Variants in PTPRN2 observed in about 807,000 individuals in gnomAD.
PTPRN2 encodes the protein protein tyrosine phosphatase receptor type N2, also known as receptor-type tyrosine-protein phosphatase N2.
Under a neutral mutation model 118.8 loss-of-function variants are expected in PTPRN2, and 74 were observed. The observed-to-expected ratio is 0.62, with a 90% CI of 0.52 to 0.76. The LOEUF (loss-of-function observed/expected upper bound fraction) is 0.76. Ranked by LOEUF, PTPRN2 falls within the 30% of genes least tolerant of loss-of-function variation. PTPRN2 has a pLI of 0.00. For missense variants in PTPRN2, 1,481 were observed against 1,394.4 expected (o/e 1.06, Z -0.99); for synonymous variants, 641 against 608.0 (o/e 1.05, Z -0.80).
chr7:157,934,818 C>A (rs565094577), intron 11 of PTPRN2, among the ~76,000 whole-genome samples: 1 of 152,170 alleles, frequency 6.6e-6, no homozygotes, highest in Admixed American at 6.5e-5. Flanking sequence ...AGAAGAGGTC[C>A]GCAGCATTTT....
At chr7:158,054,804 C>T (rs557814845) in intron 11 of PTPRN2, among the ~76,000 whole-genome samples, 282 of 152,346 alleles carry the variant, frequency 1.9e-3, no homozygotes, top group African/African-American at 5.8e-3. Flanking sequence ...CCTGGGGGCG[C>T]GGGCACCATT....
intron 2 of PTPRN2, among the ~76,000 whole-genome samples, chr7:158,428,219 A>C (rs887266306): frequency 1.3e-5 from 2 of 152,218 alleles, no homozygotes; most frequent in African/African-American, 4.8e-5. Flanking sequence ...CTCTCATCCC[A>C]AAATGGAAAA....
chr7:158,288,327 G>T (rs1294594858), intron 3 of PTPRN2, among the ~76,000 whole-genome samples: 2 of 151,992 alleles, frequency 1.3e-5, no homozygotes, highest in African/African-American at 4.8e-5. Context: ...ATGCCATTTT[G>T]TTCATTGTTT....
chr7:158,046,246 G>A (rs149576955), intron 11 of PTPRN2, among the ~76,000 whole-genome samples: 1,521 of 146,118 alleles, frequency 0.01, 25 homozygotes, highest in African/African-American at 0.036. Flanking sequence ...CGTTCCTGGC[G>A]TCCTGACACT....
chr7:158,118,142 A>C (rs1816876557), intron 9 of PTPRN2, among the ~76,000 whole-genome samples: 1 of 152,242 alleles, frequency 6.6e-6, no homozygotes, highest in African/African-American at 2.4e-5. Context: ...TTTGGTTTGT[A>C]ACTCCACATT....
At chr7:157,579,342 G>A (rs1352589709) in intron 17 of PTPRN2, among the ~76,000 whole-genome samples, 1 of 152,096 alleles carries the variant, frequency 6.6e-6, no homozygotes, top group Non-Finnish European at 1.5e-5. Context: ...TCTTTCCTTA[G>A]TGCCCATCCG....
At chr7:158,512,660 T>C (rs372015694) in intron 1 of PTPRN2, among the ~76,000 whole-genome samples, 25 of 152,244 alleles carry the variant, frequency 1.6e-4, no homozygotes, top group African/African-American at 5.5e-4. Context: ...CAGCACTTGA[T>C]TTCCAAAACC....
intron 12 of PTPRN2, among the ~76,000 whole-genome samples, chr7:157,714,373 C>A (rs1365514013): frequency 6.6e-6 from 1 of 152,192 alleles, no homozygotes; most frequent in Non-Finnish European, 1.5e-5. Flanking sequence ...AGTGGTCCTT[C>A]CTTTCGCCCT....
intron 2 of PTPRN2, among the ~76,000 whole-genome samples, chr7:158,359,138 C>G (rs185580746): frequency 6.6e-6 from 1 of 152,280 alleles, no homozygotes; most frequent in African/African-American, 2.4e-5. Context: ...AAGGCCATGG[C>G]CGGCGAGTCC....
intron 1 of PTPRN2, among the ~76,000 whole-genome samples, chr7:158,579,021 C>G (rs1828494248): frequency 6.6e-6 from 1 of 152,172 alleles, no homozygotes; most frequent in South Asian, 2.1e-4. Context: ...CCTCAGCCTC[C>G]CGAAGTGCTG....
At chr7:158,066,477 A>C (rs1810784345) in intron 11 of PTPRN2, among the ~76,000 whole-genome samples, 1 of 151,930 alleles carries the variant, frequency 6.6e-6, no homozygotes, top group Non-Finnish European at 1.5e-5. Flanking sequence ...CCACCTCCCA[A>C]CTCCTCAGTA....
intron 14 of PTPRN2, among the ~76,000 whole-genome samples, chr7:157,630,326 G>C (rs1211789910): frequency 1.3e-5 from 2 of 152,188 alleles, no homozygotes; most frequent in Non-Finnish European, 2.9e-5. Flanking sequence ...AACAGATAAT[G>C]GTTAAAGGAT....
In PTPRN2 at chr7:157,569,113, G is replaced by A. The variant is rs1257465320; in HGVS notation, c.2838-147C>T. On this transcript the variant is annotated intron_variant, in intron 20 of 22. Coordinates refer to ENST00000389418, the MANE Select transcript of PTPRN2 (RefSeq NM_002847.5). ...GATGTGAGAGGGGGAGGAAGGACGC[G>A]GGCTGGGAGAATCCAAGTGAGGGGA... 5 of 788,332 alleles carry A rather than the reference G, an allele frequency of 6.3e-6. 1 individual carries two copies. Among genetic ancestry groups the A allele is most frequent in the Middle Eastern group, 4.5e-4 (2 of 4,408 alleles). 48.8% of individuals were successfully genotyped at this position (788,332 alleles called of 1,614,324 possible).
intron 11 of PTPRN2, among the ~76,000 whole-genome samples, chr7:157,907,736 C>T (rs771401958): frequency 5.3e-5 from 8 of 151,186 alleles, no homozygotes; most frequent in East Asian, 3.9e-4. Flanking sequence ...CTGTCCGCTG[C>T]GTGTGGGGTG....
At chr7:158,213,139 G>C (rs1027897773) in intron 3 of PTPRN2, among the ~76,000 whole-genome samples, 1 of 151,784 alleles carries the variant, frequency 6.6e-6, no homozygotes, top group Admixed American at 6.6e-5. Flanking sequence ...TGTAATTACA[G>C]AGATATATTT....
In PTPRN2 at chr7:158,242,127, C is replaced by T. The variant is rs80133144; in HGVS notation, c.278-36854G>A. Reference sequence around the variant, plus strand: ...CTAGTGGCTCCTAGCAGCCCAAGAGCCCAGCCTGTAACCATTCATCCCTGG... The same window carrying T: ...CTAGTGGCTCCTAGCAGCCCAAGAGTCCAGCCTGTAACCATTCATCCCTGG... On this transcript the variant is annotated intron_variant, in intron 3 of 22. Transcript: ENST00000389418. Among the ~76,000 whole-genome samples the T allele has an allele frequency of 4.4e-3, 663 of 152,280 alleles. 7 individuals are homozygous for T. Among genetic ancestry groups the T allele is most frequent in the African/African-American group, 0.015 (634 of 41,558 alleles).
intron 2 of PTPRN2, among the ~76,000 whole-genome samples, chr7:158,407,338 T>G (rs1448489523): frequency 9.7e-6 from 1 of 102,994 alleles, no homozygotes; most frequent in Non-Finnish European, 2.1e-5. Context: ...TCCTGGGTCC[T>G]GCGTCCTGGG....
chr7:157,963,338 G>T (rs569834899), intron 11 of PTPRN2, among the ~76,000 whole-genome samples: 63 of 152,220 alleles, frequency 4.1e-4, no homozygotes, highest in Non-Finnish European at 6.6e-4. Flanking sequence ...GACAATACTG[G>T]AACTAATGGC....
rs1268080711 is a variant in PTPRN2, at chr7:158,507,988, T to C, written c.113-18203A>G. 4.1e-4 allele frequency among the ~76,000 whole-genome samples: 57 copies of C among 140,070 alleles called. No individual in the cohort carries two copies. In the South Asian group the frequency reaches 0.013, roughly 32 times the overall value. The allele number at this position is 140,070 out of a possible 152,430, so 91.9% of individuals were successfully genotyped here. On this transcript the variant is annotated intron_variant, in intron 1 of 22. Transcript: ENST00000389418. ...GAGGACCATCCGGGGAACAGCCCCG[T>C]GCTAGGCAGGAAATTGCATACACAG...
Sources: allele counts gnomAD v4.1 joint callset (sites outside exome capture counted in the v4.1 genomes callset), GRCh38; gene constraint gnomAD v4.1.1; transcripts MANE v1.5; gene names NCBI Gene and HGNC (gene_info 2026-07-23, HGNC 2026-07-21).